GRIK4: variants seen among roughly 807,000 people sequenced by gnomAD.
The protein encoded by GRIK4 is glutamate receptor ionotropic, kainate 4.
Under a neutral mutation model 104.9 loss-of-function variants are expected in GRIK4, and 40 were observed. That is an observed-to-expected ratio of 0.38 (90% CI 0.30 to 0.50). The LOEUF is 0.50. Among genes scored for constraint, GRIK4 ranks in the 20% least tolerant of loss-of-function variants. The pLI, the probability that GRIK4 is intolerant of heterozygous loss-of-function variation, is 0.93. For missense variants in GRIK4, 1,047 were observed against 1,308.1 expected (o/e 0.80, Z 3.08); for synonymous variants, 485 against 524.9 (o/e 0.92, Z 1.04).
chr11:120,593,530 T>A (rs1450031077), intron 1 of GRIK4, among the ~76,000 whole-genome samples: 2 of 152,076 alleles, frequency 1.3e-5, no homozygotes, highest in African/African-American at 4.8e-5. Flanking sequence ...CTTTCTCGTA[T>A]CCCTTTCTGT....
chr11:120,593,918 T>A (rs1314011133), intron 1 of GRIK4, among the ~76,000 whole-genome samples: 1 of 152,126 alleles, frequency 6.6e-6, no homozygotes. Flanking sequence ...CCCCACCAAG[T>A]CCTGCCAATT....
At chr11:120,763,352 G>T (rs766370611) in intron 3 of GRIK4, among the ~76,000 whole-genome samples, 1 of 151,920 alleles carries the variant, frequency 6.6e-6, no homozygotes, top group Non-Finnish European at 1.5e-5. Flanking sequence ...TATTAGTCTG[G>T]TTAGTGGTCT....
At chr11:120,815,026 G>GCAGGC (rs1224261699) in intron 4 of GRIK4, among the ~76,000 whole-genome samples, 1 of 152,214 alleles carries the variant, frequency 6.6e-6, no homozygotes, top group African/African-American at 2.4e-5. Flanking sequence ...CTACCCCCCT[G>GCAGGC]CAGGCCAGGC....
At chr11:120,887,146 T>C (rs1360224289) in intron 11 of GRIK4, among the ~76,000 whole-genome samples, 1 of 152,254 alleles carries the variant, frequency 6.6e-6, no homozygotes, top group Non-Finnish European at 1.5e-5. Context: ...TTCACACATC[T>C]ATTCCACCCT....
At chr11:120,832,224 G>A (rs78390305) in intron 7 of GRIK4, among the ~76,000 whole-genome samples, 194 bp downstream of exon 7, 7,855 of 152,222 alleles carry the variant, frequency 0.052, 222 homozygotes, top group Middle Eastern at 0.082. Context: ...GGGTGATGTC[G>A]TTTTCAGCAC....
intron 1 of GRIK4, among the ~76,000 whole-genome samples, chr11:120,587,616 A>G (rs758396135): frequency 6.6e-6 from 1 of 152,190 alleles, no homozygotes; most frequent in Non-Finnish European, 1.5e-5. Context: ...TGGACCAGTA[A>G]CTTGTGAGGG....
At chr11:120,865,159 C>T (rs890911348) in intron 9 of GRIK4, among the ~76,000 whole-genome samples, 1 of 151,416 alleles carries the variant, frequency 6.6e-6, no homozygotes, top group Non-Finnish European at 1.5e-5. Flanking sequence ...ACAGCCAACT[C>T]CTAAATCTCA....
chr11:120,921,741 C>T (rs1684023503), intron 13 of GRIK4, among the ~76,000 whole-genome samples: 1 of 152,174 alleles, frequency 6.6e-6, no homozygotes, highest in Admixed American at 6.5e-5. Context: ...CTCCTCTCTC[C>T]ATGGGGTGGG....
chr11:120,641,044 A>G (rs568402296), intron 1 of GRIK4, among the ~76,000 whole-genome samples: 23 of 152,352 alleles, frequency 1.5e-4, no homozygotes, highest in African/African-American at 4.1e-4. Flanking sequence ...CGATGGTGCA[A>G]CTTTGTCCTT....
At chr11:120,532,112 G>T (rs1160001833) in intron 1 of GRIK4, among the ~76,000 whole-genome samples, 1 of 152,210 alleles carries the variant, frequency 6.6e-6, no homozygotes, top group Non-Finnish European at 1.5e-5. Context: ...CACAGCTGGA[G>T]CCGGGTACCT....
intron 3 of GRIK4, among the ~76,000 whole-genome samples, chr11:120,690,339 T>C (rs891500653): frequency 1.3e-5 from 2 of 152,184 alleles, no homozygotes; most frequent in African/African-American, 4.8e-5. Context: ...AATGATCTTT[T>C]GTGTGGGCTT....
chr11:120,787,809 T>C (rs989496216), intron 3 of GRIK4, among the ~76,000 whole-genome samples: 1 of 150,678 alleles, frequency 6.6e-6, no homozygotes, highest in African/African-American at 2.4e-5. Context: ...TAAAATGACA[T>C]ATGTGCCTTG....
In GRIK4 at chr11:120,917,270, AAAGAAAG is replaced by A. The variant is rs1351693221; in HGVS notation, c.1476+11780_1476+11786del. On this transcript the variant is annotated intron_variant, in intron 13 of 20. Transcript: ENST00000527524. Reference sequence around the variant, plus strand: ...CTCAAAAAAAAAAAAAAAAAAAAAAAAAGAAAGAAAGAAAGAAAGAAAGAAAAAAGAA... The same window carrying A: ...CTCAAAAAAAAAAAAAAAAAAAAAAAAAAGAAAGAAAGAAAGAAAAAAGAA... 9.7e-4 allele frequency among the ~76,000 whole-genome samples: 130 copies of A among 134,302 alleles called. 2 individuals are homozygous for A. Among genetic ancestry groups the A allele is most frequent in the Non-Finnish European group, 9.2e-4 (60 of 65,110 alleles). The allele number at this position is 134,302 out of a possible 152,430, so 88.1% of individuals were successfully genotyped here. A position where few individuals can be genotyped will look rare whatever the true frequency, so the allele number is the denominator to read the frequency against.
intron 1 of GRIK4, among the ~76,000 whole-genome samples, chr11:120,536,529 T>A (rs1173336710): frequency 1.3e-5 from 2 of 151,748 alleles, no homozygotes; most frequent in Non-Finnish European, 2.9e-5. Flanking sequence ...TGGAGAGAGG[T>A]CACATTTATC....
intron 8 of GRIK4, among the ~76,000 whole-genome samples, chr11:120,860,455 T>C (rs1423021545): frequency 6.6e-6 from 1 of 152,142 alleles, no homozygotes; most frequent in African/African-American, 2.4e-5. Context: ...ACCAGCGTTA[T>C]TGCATGAGGA....
chr11:120,929,752 C>T (rs1384956739), intron 13 of GRIK4, among the ~76,000 whole-genome samples: 1 of 152,166 alleles, frequency 6.6e-6, no homozygotes, highest in African/African-American at 2.4e-5. Context: ...GGGCGTCCCA[C>T]ATGACACCGT....
At chr11:120,515,858 A>G (rs1947719113) in intron 1 of GRIK4, among the ~76,000 whole-genome samples, 1 of 152,214 alleles carries the variant, frequency 6.6e-6, no homozygotes, top group Non-Finnish European at 1.5e-5. Flanking sequence ...GAAGGAATCA[A>G]TGTAACATTG....
chr11:120,620,109 A>T (rs1183270969), intron 1 of GRIK4: 1 of 761,708 alleles, frequency 1.3e-6, no homozygotes, highest in Non-Finnish European at 2.4e-6. Flanking sequence ...TTTCGTTCTC[A>T]GCAAAATTGA....
intron 14 of GRIK4, among the ~76,000 whole-genome samples, chr11:120,947,914 C>A (rs966935716): frequency 5.3e-5 from 8 of 152,116 alleles, no homozygotes; most frequent in African/African-American, 1.9e-4. Flanking sequence ...AGATTTTCAG[C>A]CAGTAAGTGA....
Sources: allele counts gnomAD v4.1 joint callset (sites outside exome capture counted in the v4.1 genomes callset), GRCh38; gene constraint gnomAD v4.1.1; transcripts MANE v1.5; gene names NCBI Gene and HGNC (gene_info 2026-07-23, HGNC 2026-07-21).